FRMD3: variants seen among roughly 807,000 people sequenced by gnomAD.
FRMD3 encodes FERM domain containing 3, also known as FERM domain-containing protein 3.
Under a neutral mutation model 70.2 loss-of-function variants are expected in FRMD3, and 33 were observed. The ratio of observed to expected loss-of-function variants is 0.47; its 90% CI spans 0.36 to 0.63. The LOEUF is 0.63. Ranked by LOEUF, FRMD3 falls within the 20% of genes least tolerant of loss-of-function variation. FRMD3 has a pLI of 0.00. For missense variants in FRMD3, 632 were observed against 711.4 expected, an observed-to-expected ratio of 0.89 and a Z score of 1.27; for synonymous variants, 279 against 255.9, an observed-to-expected ratio of 1.09 and a Z score of -0.86.
At chr9:83,416,302 T>TG (rs1489055707) in intron 1 of FRMD3, among the ~76,000 whole-genome samples, 17 of 152,264 alleles carry the variant, frequency 1.1e-4, no homozygotes, top group African/African-American at 3.1e-4. Flanking sequence ...TATGGATTCT[T>TG]GCGTTTCACA....
intron 10 of FRMD3, among the ~76,000 whole-genome samples, chr9:83,302,345 C>A (rs979144628): frequency 2.6e-5 from 4 of 152,096 alleles, no homozygotes; most frequent in African/African-American, 9.7e-5. Context: ...ACTCTGTACC[C>A]CCAAATTCTC....
intron 13 of FRMD3, among the ~76,000 whole-genome samples, chr9:83,261,273 C>T (rs1563979953): frequency 6.6e-6 from 1 of 152,160 alleles, no homozygotes; most frequent in African/African-American, 2.4e-5. Context: ...CTTTCCCCAT[C>T]CTTAGGCTTC....
At chr9:83,562,216 C>T in the FRMD3 span, among the ~76,000 whole-genome samples, 1 of 152,154 alleles carries the variant, frequency 6.6e-6, no homozygotes, top group African/African-American at 2.4e-5. Context: ...AGATCTCGCA[C>T]AAATTGGGAT....
intron 3 of FRMD3, among the ~76,000 whole-genome samples, chr9:83,357,310 T>C (rs1824433567): frequency 1.5e-5 from 2 of 130,530 alleles, no homozygotes; most frequent in African/African-American, 2.8e-5. Context: ...ACATTTTCTT[T>C]ATCCACTCAT....
chr9:83,447,148 C>G (rs185555071), intron 1 of FRMD3, among the ~76,000 whole-genome samples: 1 of 152,260 alleles, frequency 6.6e-6, no homozygotes, highest in South Asian at 2.1e-4. Context: ...CTCAGCCTCC[C>G]GAGTAGCTGG....
chr9:83,267,187 C>A, intron 13 of FRMD3: 1 of 1,550,294 alleles, frequency 6.5e-7, no homozygotes, highest in East Asian at 2.4e-5. Context: ...TGGCCCAGGG[C>A]AGCCTTTCCC....
chr9:83,508,134 G>T (rs902065607), intron 1 of FRMD3, among the ~76,000 whole-genome samples: 4 of 152,136 alleles, frequency 2.6e-5, no homozygotes, highest in African/African-American at 9.7e-5. Context: ...AATGCTGAGC[G>T]CAAGAAGCCA....
At chr9:83,436,253 A>G (rs1452167678) in intron 1 of FRMD3, among the ~76,000 whole-genome samples, 1 of 152,064 alleles carries the variant, frequency 6.6e-6, no homozygotes, top group Non-Finnish European at 1.5e-5. Context: ...ATCCATTAAA[A>G]CCACTTGTTG....
intron 1 of FRMD3, among the ~76,000 whole-genome samples, chr9:83,468,618 CA>C (rs1196589683): frequency 6.6e-6 from 1 of 152,218 alleles, no homozygotes; most frequent in African/African-American, 2.4e-5. Context: ...TCAGCTCTGT[CA>C]CTGGCTATGT....
chr9:83,310,793 G>A (rs745538224), intron 8 of FRMD3, among the ~76,000 whole-genome samples: 15 of 152,180 alleles, frequency 9.9e-5, no homozygotes, highest in East Asian at 1.9e-4. Context: ...AGGCTGCATC[G>A]TTCTTCCAAG....
chr9:83,276,859 A>C (rs540795991), intron 13 of FRMD3, among the ~76,000 whole-genome samples: 11 of 152,126 alleles, frequency 7.2e-5, no homozygotes, highest in Admixed American at 3.3e-4. Flanking sequence ...ACAGGTGCCC[A>C]CCACCATGCA....
chr9:83,344,973 A>G (rs1823906068), intron 4 of FRMD3, among the ~76,000 whole-genome samples: 1 of 137,688 alleles, frequency 7.3e-6, no homozygotes, highest in Non-Finnish European at 1.7e-5. Flanking sequence ...CCCATTTTAA[A>G]GGCAAAGAAA....
chr9:83,582,966 G>A, the FRMD3 span, among the ~76,000 whole-genome samples: 5 of 152,136 alleles, frequency 3.3e-5, no homozygotes, highest in Admixed American at 6.5e-5. Context: ...CATGGAGCAC[G>A]TCTCACTCAT....
At chr9:83,370,968 C>T (rs1824953105) in intron 3 of FRMD3, among the ~76,000 whole-genome samples, 1 of 152,120 alleles carries the variant, frequency 6.6e-6, no homozygotes, top group African/African-American at 2.4e-5. Flanking sequence ...AGAGAAAATG[C>T]TCTTAAACGC....
intron 2 of FRMD3, among the ~76,000 whole-genome samples, chr9:83,385,505 T>C (rs1245721478): frequency 6.6e-6 from 1 of 152,192 alleles, no homozygotes; most frequent in Non-Finnish European, 1.5e-5. Flanking sequence ...TTCCAGAGCA[T>C]CTGGGGCATG....
intron 1 of FRMD3, among the ~76,000 whole-genome samples, chr9:83,453,771 A>C (rs1212830087): frequency 7.3e-6 from 1 of 137,624 alleles, no homozygotes; most frequent in Non-Finnish European, 1.5e-5. Context: ...GCTAGAGTGC[A>C]GTGGCATGAT....
chr9:83,535,775 G>A (rs980052955), intron 1 of FRMD3, among the ~76,000 whole-genome samples: 5 of 152,260 alleles, frequency 3.3e-5, no homozygotes, highest in East Asian at 1.9e-4. Context: ...AGCTCCTAAC[G>A]CAGACAGGCA....
chr9:83,312,272 C>A (rs903086411), intron 7 of FRMD3, among the ~76,000 whole-genome samples: 3 of 152,158 alleles, frequency 2.0e-5, no homozygotes. Flanking sequence ...CAGTGTCTTC[C>A]GGGGCTGCCT....
At chr9:83,391,537 T>C (rs941479753) in intron 1 of FRMD3, among the ~76,000 whole-genome samples, 1 of 152,184 alleles carries the variant, frequency 6.6e-6, no homozygotes, top group African/African-American at 2.4e-5. Context: ...TGTAATAATA[T>C]GGGATTGAGC....
Sources: allele counts gnomAD v4.1 joint callset (sites outside exome capture counted in the v4.1 genomes callset), GRCh38; gene constraint gnomAD v4.1.1; transcripts MANE v1.5; gene names NCBI Gene and HGNC (gene_info 2026-07-23, HGNC 2026-07-21).